The following FIGLA variants were observed in gnomAD, a reference collection of about 807,000 sequenced individuals.
FIGLA encodes factor in the germline alpha.
In FIGLA, 17 loss-of-function variants were observed where a neutral mutation model predicts 21.5. The ratio of observed to expected loss-of-function variants is 0.79; its 90% CI spans 0.54 to 1.19. The LOEUF (loss-of-function observed/expected upper bound fraction) is 1.19, where lower values mean the gene tolerates loss of function less well. FIGLA is among the 50% of genes most tolerant of loss of function. The pLI, the probability that FIGLA is intolerant of heterozygous loss-of-function variation, is 0.00. For missense variants in FIGLA, 282 were observed against 285.0 expected, an observed-to-expected ratio of 0.99 and a Z score of 0.08; for synonymous variants, 129 against 117.6, an observed-to-expected ratio of 1.10 and a Z score of -0.63.
chr2:70,780,907 G>C (rs559499003), intron 3 of FIGLA, among the ~76,000 whole-genome samples: 334 of 152,220 alleles, frequency 2.2e-3, no homozygotes, highest in Non-Finnish European at 3.8e-3. Flanking sequence ...ATTCACATGG[G>C]GGGTGTGGTC....
At chr2:70,782,861 A>G (rs543938013) in intron 3 of FIGLA, among the ~76,000 whole-genome samples, 5 of 152,172 alleles carry the variant, frequency 3.3e-5, no homozygotes, top group South Asian at 2.1e-4. Flanking sequence ...GAAGTCAGGA[A>G]TTTGAGTCCA....
At position 70,787,692 on chromosome 2, in the gene FIGLA, A is replaced by G. The variant is rs1553390235; in HGVS notation, c.341T>C (p.Ile114Thr). Residue 114 changes from isoleucine (I) to threonine (T), a missense_variant, in exon 2 of 5, where the codon ATA becomes ACA. Transcript: ENST00000332372. ...VDILKGATEY[I>T]QVLSDLLEGA... ...TTCCAAAAGATCACTGAGAACCTGT[A>G]TATATTCAGTCGCACCTTTAAGGAT... The G allele has an allele frequency of 6.3e-7, 1 of 1,597,708 alleles. No homozygotes were observed. The highest frequency in any genetic ancestry group is 1.3e-5 in the African/African-American group (1 of 74,776).
rs1558598736 is a variant in FIGLA, at chr2:70,785,635, TG to T, written c.388del (p.Gln130LysfsTer37). ...ACTATAGCTCTGCTCATCTGGGTCT[TG>T]TTTCTGGAAACCATATTTAGTTGTC... ...LLEGAKDSKK[Q>X]DPDEQSYSNN... On this transcript the variant is annotated frameshift_variant, in exon 3 of 5. Transcript: ENST00000332372. LOFTEE classifies it high-confidence loss of function. The T allele has an allele frequency of 6.2e-7, 1 of 1,612,560 alleles. No homozygotes were observed. The highest frequency in any genetic ancestry group is 1.7e-5 in the Admixed American group (1 of 60,024).
intron 3 of FIGLA, among the ~76,000 whole-genome samples, chr2:70,778,214 C>G (rs1329564234): frequency 6.6e-6 from 1 of 152,164 alleles, no homozygotes; most frequent in African/African-American, 2.4e-5. Context: ...CACATCCCCC[C>G]CAACCCCAAC....
intron 2 of FIGLA, among the ~76,000 whole-genome samples, chr2:70,786,154 C>G (rs1553389986): frequency 1.3e-5 from 2 of 151,288 alleles, no homozygotes; most frequent in Admixed American, 6.6e-5. Flanking sequence ...TCTCTAGTAT[C>G]TCTCCTTCTG....
rs77527902 is a variant in FIGLA, at chr2:70,788,871, C to T, written c.232-1070G>A. On this transcript the variant is annotated intron_variant, in intron 1 of 4. Coordinates refer to ENST00000332372, the MANE Select transcript of FIGLA (RefSeq NM_001004311.3). ...CAATTGGGTAACTTGTATCAAAAGC[C>T]ATTCCATTGTATATGCCTTAAGTCT... Among the ~76,000 whole-genome samples, 942 of 152,246 alleles carry T rather than the reference C, an allele frequency of 6.2e-3. 7 individuals carry two copies. The highest frequency in any genetic ancestry group is 0.01 in the Non-Finnish European group (698 of 68,012).
At chr2:70,783,547 G>A (rs1442817338) in intron 3 of FIGLA, among the ~76,000 whole-genome samples, 4 of 152,202 alleles carry the variant, frequency 2.6e-5, no homozygotes, top group Non-Finnish European at 2.9e-5. Flanking sequence ...GCAGGAAGGT[G>A]TAGCCAGGTG....
intron 2 of FIGLA, among the ~76,000 whole-genome samples, chr2:70,787,205 G>A (rs1558599202): frequency 1.3e-5 from 2 of 152,194 alleles, no homozygotes; most frequent in Non-Finnish European, 2.9e-5. Flanking sequence ...CTTAGGGAGG[G>A]TCTCTCCTAA....
rs1456234188 is a variant in FIGLA, at chr2:70,785,327, G to A, written c.609+88C>T. On this transcript the variant is annotated intron_variant, in intron 3 of 4. Transcript: ENST00000332372. Reference sequence around the variant, plus strand: ...CATTAAATTATCTTGTTTTAATCATGTTTTAGCATGGAAAAATGACTCATA... The same window carrying A: ...CATTAAATTATCTTGTTTTAATCATATTTTAGCATGGAAAAATGACTCATA... 4.5e-6 allele frequency: 5 copies of A among 1,112,942 alleles called. No homozygotes were observed. The Admixed American group carries it at 6.2e-5, about 14-fold the overall frequency. The allele number at this position is 1,112,942 out of a possible 1,614,324, so 68.9% of individuals were successfully genotyped here.
chr2:70,790,607 C>A lies in FIGLA; in HGVS notation c.32G>T (p.Arg11Leu). The change falls in exon 1 of 5, where the codon CGC (arginine) becomes CTC (leucine). Residue 11 changes from arginine to leucine, a missense_variant. Physicochemically the swap from Arg to Leu is moderately radical, Grantham distance 102. Coordinates refer to ENST00000332372, the MANE Select transcript of FIGLA (RefSeq NM_001004311.3). ...GCCCAGGAGCGCGGGCGGCGCGGCG[C>A]GGGGATCTAGGACGCCGGGCGCGGG... MDPAPGVLDP[R>L]AAPPALLGTP... is the part of the protein sequence containing the mutation. 1 of 1,464,876 alleles carries A rather than the reference C, an allele frequency of 6.8e-7. No individual in the cohort carries two copies. The highest frequency in any genetic ancestry group is 9.0e-7 in the Non-Finnish European group (1 of 1,114,576). The allele number at this position is 1,464,876 out of a possible 1,614,324, so 90.7% of individuals were successfully genotyped here.
At chr2:70,788,428 G>C (rs1363961258) in intron 1 of FIGLA, among the ~76,000 whole-genome samples, 1 of 152,192 alleles carries the variant, frequency 6.6e-6, no homozygotes, top group African/African-American at 2.4e-5. Context: ...AGAATCCAGA[G>C]AGTTGGTGAG....
chr2:70,777,939 C>A (rs1675790217), intron 3 of FIGLA, among the ~76,000 whole-genome samples: 1 of 152,154 alleles, frequency 6.6e-6, no homozygotes, highest in Admixed American at 6.5e-5. Flanking sequence ...GTGGCAAGAT[C>A]ATTTTGTCTC....
In FIGLA at chr2:70,790,491, G is replaced by T; in HGVS notation, c.148C>A (p.Pro50Thr). The T allele has an allele frequency of 6.5e-7, 1 of 1,543,606 alleles. No individual in the cohort carries two copies. ...LAAVCRLKRL[P>T]SGGYSSTENL... ...TCAGTGGACGAGTAGCCGCCCGAGG[G>T]CAGCCGCTTGAGCCGGCAGACAGCG... The change falls in exon 1 of 5, where the codon CCC becomes ACC. Residue 50 changes from proline to threonine, a missense_variant. By Grantham distance (38) the Pro-to-Thr change is conservative. Coordinates refer to ENST00000332372, the MANE Select transcript of FIGLA (RefSeq NM_001004311.3).
At chr2:70,785,373 G>T (rs782453084) in intron 3 of FIGLA, 42 bp downstream of exon 3, 1 of 1,430,626 alleles carries the variant, frequency 7.0e-7, no homozygotes, top group Non-Finnish European at 9.7e-7. Flanking sequence ...TACATTTTAA[G>T]GTTCTGATAT....
intron 3 of FIGLA, among the ~76,000 whole-genome samples, chr2:70,780,165 A>T (rs2104596591): frequency 6.6e-6 from 1 of 152,180 alleles, no homozygotes; most frequent in South Asian, 2.1e-4. Context: ...GCAGATTCTC[A>T]TGCACTTCAT....
rs577371309 is a variant in FIGLA, at chr2:70,785,824, T to G, written c.385-185A>C. Reference sequence around the variant, plus strand: ...ATTTTGTTCTCCTATCATCTTAAAATGTTATGCAATAGGTAACTGCATTAA... The same window carrying G: ...ATTTTGTTCTCCTATCATCTTAAAAGGTTATGCAATAGGTAACTGCATTAA... On this transcript the variant is annotated intron_variant, in intron 2 of 4. Coordinates refer to ENST00000332372, the MANE Select transcript of FIGLA (RefSeq NM_001004311.3). Among the ~76,000 whole-genome samples, 69 of 152,338 alleles carry G rather than the reference T, an allele frequency of 4.5e-4. No homozygotes were observed. The South Asian group carries it at 0.014, about 31-fold the overall frequency.
At chr2:70,778,850 T>C (rs765774067) in intron 3 of FIGLA, among the ~76,000 whole-genome samples, 3 of 152,234 alleles carry the variant, frequency 2.0e-5, no homozygotes, top group Non-Finnish European at 4.4e-5. Context: ...ACTCCAATTG[T>C]TGGCAGTGTG....
intron 3 of FIGLA, 83 bp downstream of exon 3, chr2:70,785,332 A>T: frequency 8.8e-7 from 1 of 1,133,194 alleles, no homozygotes; most frequent in East Asian, 2.4e-5. Flanking sequence ...ATCATGTTTT[A>T]GCATGGAAAA....
intron 1 of FIGLA, among the ~76,000 whole-genome samples, chr2:70,788,516 A>G (rs1006515363): frequency 1.3e-5 from 2 of 152,118 alleles, no homozygotes; most frequent in Non-Finnish European, 2.9e-5. Context: ...TATAATTCTG[A>G]TGTTCATCCC....
Sources: allele counts gnomAD v4.1 joint callset (sites outside exome capture counted in the v4.1 genomes callset), GRCh38; gene constraint gnomAD v4.1.1; transcripts MANE v1.5; gene names NCBI Gene and HGNC (gene_info 2026-07-23, HGNC 2026-07-21).